The following RTL1 variants were observed in gnomAD, a reference collection of about 807,000 sequenced individuals.
RTL1 encodes retrotransposon-like protein 1.
For synonymous variants in RTL1, 727 were observed against 748.4 expected, an observed-to-expected ratio of 0.97 and a Z score of 0.47; for missense variants, 1,681 against 1,767.5, an observed-to-expected ratio of 0.95 and a Z score of 0.88.
intron 2 of RTL1, among the ~76,000 whole-genome samples, chr14:100,900,915 A>C (rs954480810): frequency 6.6e-6 from 1 of 152,228 alleles, no homozygotes; most frequent in Non-Finnish European, 1.5e-5. Context: ...AACAGCACCA[A>C]CAAAAACCAA....
rs34441254 is a variant in RTL1, at chr14:100,902,608, TAGCAGC to T, written c.-149+677_-149+682del. Among the ~76,000 whole-genome samples the T allele has an allele frequency of 8.4e-3, 1,280 of 151,782 alleles. 10 individuals are homozygous for T. Among genetic ancestry groups the T allele is most frequent in the Non-Finnish European group, 0.012 (828 of 67,814 alleles). On this transcript the variant is annotated intron_variant, in intron 2 of 3. Transcript: ENST00000649591. Reference sequence around the variant, plus strand: ...CGGCCAGCCCTGGTCAGCCCTGCAGTAGCAGCAGCAGCAGCAGCAGCAGCAGTAGGC... The same window carrying T: ...CGGCCAGCCCTGGTCAGCCCTGCAGTAGCAGCAGCAGCAGCAGCAGTAGGC...
rs1397912410 is a variant in RTL1 at position 100,883,647 on chromosome 14, C to G, written c.1142G>C (p.Trp381Ser). The G allele has an allele frequency of 6.4e-7, 1 of 1,551,226 alleles. No individual in the cohort carries two copies. The highest frequency in any genetic ancestry group is 8.7e-7 in the Non-Finnish European group (1 of 1,146,882). ...CCTCTCTGGAGCAGGTGAGTCGATC[C>G]AGGTCAGGTTCCGGGGGCGGGCCTC... The part of the protein sequence containing the change: ...PPEARPRNLT[W>S]IDSPAPERWM... The change falls in exon 4 of 4, where the codon TGG (tryptophan) becomes TCG (serine). Residue 381 changes from tryptophan (W) to serine (S), a missense_variant. Trp to Ser is a radical substitution (Grantham distance 177, BLOSUM62 -3). Transcript: ENST00000649591. This position sits in a 1 kb window ranked among gnomAD's most constrained non-coding sequence, Gnocchi z 5.9.
intron 2 of RTL1, among the ~76,000 whole-genome samples, chr14:100,899,838 T>G (rs1250627441): frequency 6.6e-6 from 1 of 152,072 alleles, no homozygotes; most frequent in Non-Finnish European, 1.5e-5. Context: ...TCGGTAGCTC[T>G]CCCCATCTTA....
At position 100,882,316 on chromosome 14, in the gene RTL1, G is replaced by C. The variant is rs888979543; in HGVS notation, c.2473C>G (p.Arg825Gly). The stretch of plus-strand genomic sequence containing the variant: ...AGGGGCTCTGCGATGATGCTGAAGC[G>C]CTCCACGAAGTGGCGGTAGGGGAAG... ...FVFPYRHFVE[R>G]FSIIAEPLVR... Residue 825 changes from arginine (R) to glycine (G), a missense_variant, in exon 4 of 4, where the codon CGC (arginine) becomes GGC (glycine). Arg to Gly is a moderately radical substitution (Grantham distance 125, BLOSUM62 -2). Transcript: ENST00000649591. 17 of 1,551,604 alleles carry C rather than the reference G, an allele frequency of 1.1e-5. No homozygotes were observed. The highest frequency in any genetic ancestry group is 1.7e-4 in the Middle Eastern group (1 of 6,014).
Position 100,883,501 on chromosome 14 carries a change from C to A in RTL1, c.1288G>T (p.Asp430Tyr). 6.4e-7 allele frequency: 1 copy of A among 1,551,518 alleles called. No homozygotes were observed. The highest frequency in any genetic ancestry group is 8.7e-7 in the Non-Finnish European group (1 of 1,146,978). The change falls in exon 4 of 4, where the codon GAT (aspartate) becomes TAT (tyrosine). Residue 430 changes from aspartate to tyrosine, a missense_variant. Coordinates refer to ENST00000649591, the MANE Select transcript of RTL1 (RefSeq NM_001134888.3). The surrounding 1 kb of genome is among the most constrained non-coding windows in gnomAD (Gnocchi z 5.9). The stretch of plus-strand genomic sequence containing the variant: ...ATGAAGTTGCCGTCAGCTCCCGAAT[C>A]CACCAGGGCCTGGACCGCGACGCTG... ...YHSVAVQALV[D>Y]SGADGNFMDE...
At chr14:100,888,805 A>G (rs562117971) in intron 3 of RTL1, among the ~76,000 whole-genome samples, 2 of 152,282 alleles carry the variant, frequency 1.3e-5, no homozygotes, top group South Asian at 2.1e-4. Context: ...CATATTCGCA[A>G]TATTGATCAT....
intron 2 of RTL1, among the ~76,000 whole-genome samples, chr14:100,894,038 G>C (rs1227011422): frequency 6.6e-6 from 1 of 152,188 alleles, no homozygotes; most frequent in Non-Finnish European, 1.5e-5. Flanking sequence ...TGGCTGGGCG[G>C]GGTGGCTCAC....
At position 100,881,242 on chromosome 14, in the gene RTL1, G is replaced by A. The variant is rs1240806295; in HGVS notation, c.3547C>T (p.His1183Tyr). ...CCAGGGGTGAACTGCAGGCCTCGGT[G>A]GGCCTGGGAGTGCAGAGCATTTCGC... ...WQRNALHSQA[H>Y]RGLQFTPGFW... The change falls in exon 4 of 4, where the codon CAC (histidine) becomes TAC (tyrosine). Residue 1183 changes from histidine to tyrosine, a missense_variant. Physicochemically the swap from His to Tyr is moderately conservative, Grantham distance 83 (BLOSUM62 2). Transcript: ENST00000649591. The surrounding 1 kb of genome is among the most constrained non-coding windows in gnomAD (Gnocchi z 6.6). 6.5e-7 allele frequency: 1 copy of A among 1,548,714 alleles called. No individual in the cohort carries two copies. Among genetic ancestry groups the A allele is most frequent in the Admixed American group, 2.0e-5 (1 of 50,854 alleles).
At position 100,882,389 on chromosome 14, in the gene RTL1, G is replaced by A; in HGVS notation, c.2400C>T (p.Tyr800=). Residue 800 remains tyrosine (Y), a synonymous_variant, in exon 4 of 4, where the codon TAC becomes TAT. Coordinates refer to ENST00000649591, the MANE Select transcript of RTL1 (RefSeq NM_001134888.3). The part of the protein sequence containing the change: ...NKNVMTIITG[Y]PTPGSKLSLR... Reference sequence around the variant, plus strand: ...GAGATAGCTTGGAGCCAGGGGTAGGGTACCCTGTTATGATGGTCATGACGT... The same window carrying A: ...GAGATAGCTTGGAGCCAGGGGTAGGATACCCTGTTATGATGGTCATGACGT... The A allele has an allele frequency of 6.4e-7, 1 of 1,551,878 alleles. No homozygotes were observed. Among genetic ancestry groups the A allele is most frequent in the Non-Finnish European group, 8.7e-7 (1 of 1,147,044 alleles).
chr14:100,890,074 G>GGAAAAAAAAAAAAAA (rs554899525), intron 3 of RTL1, among the ~76,000 whole-genome samples: 3 of 123,890 alleles, frequency 2.4e-5, no homozygotes, highest in Non-Finnish European at 5.0e-5. Flanking sequence ...CGCCTTATTT[G>GGAAAAAAAAAAAAAA]AAAAAAAAAA....
In RTL1 at chr14:100,884,050, C is replaced by T. The variant is rs760984634; in HGVS notation, c.739G>A (p.Gly247Ser). Residue 247 changes from glycine to serine, a missense_variant, in exon 4 of 4, where the codon GGC becomes AGC. Gly to Ser is a moderately conservative substitution (Grantham distance 56, BLOSUM62 0). Transcript: ENST00000649591. Reference protein sequence around the residue: ...RVGYVINHLSGLALEWAKALL... With the variant: ...RVGYVINHLSSLALEWAKALL... ...GCTTTGGCCCATTCTAATGCCAAGC[C>T]GGACAGGTGATTGATGACATAGCCA... The T allele has an allele frequency of 1.0e-4, 159 of 1,551,588 alleles. No homozygotes were observed. Among genetic ancestry groups the T allele is most frequent in the Non-Finnish European group, 1.2e-4 (140 of 1,147,016 alleles).
chr14:100,899,478 G>A (rs772139490), intron 2 of RTL1, among the ~76,000 whole-genome samples: 2 of 152,158 alleles, frequency 1.3e-5, no homozygotes, highest in African/African-American at 2.4e-5. Context: ...ACAGGCTTTG[G>A]GGGAGAGGAG....
intron 2 of RTL1, among the ~76,000 whole-genome samples, chr14:100,896,848 G>T (rs1036921202): frequency 6.6e-6 from 1 of 152,164 alleles, no homozygotes; most frequent in Non-Finnish European, 1.5e-5. Context: ...CTGCGAACGC[G>T]AGCCGCCGGG....
chr14:100,892,349 C>A (rs561288818), intron 3 of RTL1, among the ~76,000 whole-genome samples: 1 of 152,302 alleles, frequency 6.6e-6, no homozygotes, highest in African/African-American at 2.4e-5. Context: ...GGCTGGCTAA[C>A]CTTGCAGAAC....
intron 2 of RTL1, among the ~76,000 whole-genome samples, chr14:100,896,631 C>G (rs138718034): frequency 6.5e-4 from 99 of 151,644 alleles, no homozygotes; most frequent in Admixed American, 1.2e-3. Context: ...AGTCGGGGTG[C>G]CTCCTCTGGA....
intron 3 of RTL1, among the ~76,000 whole-genome samples, chr14:100,889,240 C>T (rs2038735436): frequency 6.6e-6 from 1 of 152,156 alleles, no homozygotes; most frequent in South Asian, 2.1e-4. Context: ...TACAAAAAGC[C>T]TCACCATTTT....
chr14:100,890,747 G>C (rs2038764283), intron 3 of RTL1, among the ~76,000 whole-genome samples: 1 of 152,084 alleles, frequency 6.6e-6, no homozygotes, highest in Non-Finnish European at 1.5e-5. Flanking sequence ...CCTTGGGTTT[G>C]AGGGACATAG....
chr14:100,882,074 G>C lies in RTL1; in HGVS notation c.2715C>G (p.Phe905Leu). 6.2e-7 allele frequency: 1 copy of C among 1,601,576 alleles called. No individual in the cohort carries two copies. The highest frequency in any genetic ancestry group is 8.5e-7 in the Non-Finnish European group (1 of 1,173,566). Reference protein sequence around the residue: ...DQTGKRACCAFYSRNISPIEV... With the variant: ...DQTGKRACCALYSRNISPIEV... ...CGATAGGGGAGATGTTGCGGGAGTAGAAAGCGCAGCAGGCTCTCTTGCCGG... is the reference window on the plus strand; with the variant it reads ...CGATAGGGGAGATGTTGCGGGAGTACAAAGCGCAGCAGGCTCTCTTGCCGG... Residue 905 changes from phenylalanine to leucine, a missense_variant, in exon 4 of 4, where the codon TTC (phenylalanine) becomes TTG (leucine). Coordinates refer to ENST00000649591, the MANE Select transcript of RTL1 (RefSeq NM_001134888.3).
chr14:100,901,072 C>T (rs1409521296), intron 2 of RTL1, among the ~76,000 whole-genome samples: 1 of 152,226 alleles, frequency 6.6e-6, no homozygotes, highest in African/African-American at 2.4e-5. Context: ...TGCCCCCCCA[C>T]GGCGGGTCGG....
Sources: gnomAD v4.1 joint callset for allele counts (sites outside exome capture counted in the v4.1 genomes callset) on GRCh38, gnomAD v4.1.1 for gene constraint, Gnocchi (gnomAD v3.1) non-coding constraint, MANE v1.5 for transcripts, NCBI Gene and HGNC (gene_info 2026-07-23, HGNC 2026-07-21) for gene names.